The following SNX29 variants were observed in gnomAD, a reference collection of about 807,000 sequenced individuals.
SNX29 encodes the protein sorting nexin-29.
A neutral mutation model predicts 102.1 loss-of-function variants in SNX29; 78 were observed. The observed-to-expected ratio is 0.76, with a 90% CI of 0.64 to 0.92. The LOEUF (loss-of-function observed/expected upper bound fraction) is 0.92. Ranked by LOEUF, SNX29 falls within the 40% of genes least tolerant of loss-of-function variation. SNX29 has a pLI of 0.00. For synonymous variants in SNX29, 580 were observed against 414.5 expected (o/e 1.40, Z -4.85); for missense variants, 1,280 against 1,061.7 (o/e 1.21, Z -2.86).
intron 3 of SNX29, among the ~76,000 whole-genome samples, chr16:12,024,686 G>A (rs1414062436): frequency 1.3e-5 from 2 of 152,176 alleles, no homozygotes; most frequent in Non-Finnish European, 2.9e-5. Context: ...TGTGCAGTTC[G>A]CCTGCATTCC....
intron 10 of SNX29, among the ~76,000 whole-genome samples, chr16:12,076,278 C>G (rs558802481): frequency 4.3e-4 from 65 of 151,764 alleles, no homozygotes; most frequent in African/African-American, 1.5e-3. Context: ...TGGAGCTGTT[C>G]CTATTCGGCC....
chr16:12,035,636 C>T (rs950156494), intron 4 of SNX29, among the ~76,000 whole-genome samples: 8 of 152,128 alleles, frequency 5.3e-5, no homozygotes, highest in African/African-American at 1.9e-4. Context: ...CATGAGTGAA[C>T]TTGGTTTACC....
intron 19 of SNX29, among the ~76,000 whole-genome samples, chr16:12,519,828 C>T (rs938735300): frequency 2.6e-5 from 4 of 151,798 alleles, no homozygotes; most frequent in Non-Finnish European, 2.9e-5. Flanking sequence ...GCCAACATGG[C>T]GAAACCCTGT....
intron 20 of SNX29, among the ~76,000 whole-genome samples, chr16:12,547,690 G>T (rs187964131): frequency 1.3e-5 from 2 of 152,060 alleles, no homozygotes; most frequent in Admixed American, 1.3e-4. Context: ...CCTGGCCCCC[G>T]CGTTCCTGTC....
Position 12,204,082 on chromosome 16 carries a change from G to A in SNX29, c.1678+4399G>A, listed in dbSNP as rs537606730. Among the ~76,000 whole-genome samples the A allele has an allele frequency of 6.6e-5, 10 of 152,258 alleles. No homozygotes were observed. In the South Asian group the frequency reaches 1.5e-3, roughly 22 times the overall value. ...CCTGTTAGGCTGGGAGACTGGGGCC[G>A]CTGTAGTCAGCTTGTTTCCACATAG... On this transcript the variant is annotated intron_variant, in intron 14 of 20. Coordinates refer to ENST00000566228, the MANE Select transcript of SNX29 (RefSeq NM_032167.5).
chr16:12,379,347 C>T (rs2082994525), intron 16 of SNX29, among the ~76,000 whole-genome samples: 1 of 152,168 alleles, frequency 6.6e-6, no homozygotes, highest in Non-Finnish European at 1.5e-5. Flanking sequence ...ATCTTTAACT[C>T]CTGGGCTTAA....
intron 14 of SNX29, among the ~76,000 whole-genome samples, chr16:12,253,132 C>A (rs1246464618): frequency 1.3e-5 from 2 of 152,274 alleles, no homozygotes; most frequent in Non-Finnish European, 2.9e-5. Context: ...TGCCCCTCAG[C>A]AGCATGTGCC....
chr16:12,207,323 C>A (rs745577755), intron 14 of SNX29, among the ~76,000 whole-genome samples: 1 of 152,062 alleles, frequency 6.6e-6, no homozygotes, highest in Non-Finnish European at 1.5e-5. Context: ...GAGCCAAGAT[C>A]GCACCACTTC....
chr16:12,495,207 A>G (rs935592150), intron 19 of SNX29, among the ~76,000 whole-genome samples: 1 of 152,054 alleles, frequency 6.6e-6, no homozygotes, highest in African/African-American at 2.4e-5. Flanking sequence ...CCTGGAGCAC[A>G]GTGGCATGGT....
At chr16:12,124,188 T>G (rs1567228045) in intron 11 of SNX29, among the ~76,000 whole-genome samples, 1 of 152,072 alleles carries the variant, frequency 6.6e-6, no homozygotes, top group Non-Finnish European at 1.5e-5. Context: ...AAACCCCATC[T>G]CTACTAAAAA....
At chr16:12,286,919 C>T (rs1447551830) in intron 15 of SNX29, among the ~76,000 whole-genome samples, 1 of 152,072 alleles carries the variant, frequency 6.6e-6, no homozygotes, top group Non-Finnish European at 1.5e-5. Flanking sequence ...TACTGCAATA[C>T]CATAGTCATA....
chr16:12,458,214 C>A (rs1021931736), intron 18 of SNX29, among the ~76,000 whole-genome samples: 10 of 152,146 alleles, frequency 6.6e-5, no homozygotes, highest in African/African-American at 2.4e-4. Flanking sequence ...CATCTGTGAG[C>A]CCAGAGGGAC....
At chr16:12,082,311 C>A (rs1188200102) in intron 11 of SNX29, among the ~76,000 whole-genome samples, 1 of 152,088 alleles carries the variant, frequency 6.6e-6, no homozygotes, top group Non-Finnish European at 1.5e-5. Context: ...AGGTGTCTGA[C>A]ATTCTGTTTC....
At chr16:12,292,234 C>G (rs1026007246) in intron 15 of SNX29, among the ~76,000 whole-genome samples, 2 of 152,306 alleles carry the variant, frequency 1.3e-5, no homozygotes, top group Non-Finnish European at 2.9e-5. Context: ...TGGCAACTGA[C>G]TGATAGACCG....
At chr16:12,291,483 G>A (rs2079793145) in intron 15 of SNX29, among the ~76,000 whole-genome samples, 1 of 152,318 alleles carries the variant, frequency 6.6e-6, no homozygotes, top group South Asian at 2.1e-4. Flanking sequence ...AATTGTGGGA[G>A]CTACAATTCA....
intron 15 of SNX29, among the ~76,000 whole-genome samples, chr16:12,293,473 G>C (rs566171559): frequency 6.6e-6 from 1 of 152,330 alleles, no homozygotes; most frequent in East Asian, 1.9e-4. Flanking sequence ...TAGAGGTTAA[G>C]CTCATCGTTT....
chr16:12,456,595 C>T (rs1488162484), intron 18 of SNX29, among the ~76,000 whole-genome samples: 3 of 151,754 alleles, frequency 2.0e-5, no homozygotes, highest in African/African-American at 4.8e-5. Flanking sequence ...GTAGTGTGTG[C>T]ACCTGGTAGT....
intron 15 of SNX29, among the ~76,000 whole-genome samples, chr16:12,321,081 G>A (rs867162827): frequency 5.3e-5 from 8 of 151,956 alleles, no homozygotes; most frequent in Non-Finnish European, 1.2e-4. Context: ...CCACCATCCC[G>A]GTTCCCTCCG....
intron 18 of SNX29, among the ~76,000 whole-genome samples, chr16:12,417,376 C>T (rs916456225): frequency 1.1e-4 from 17 of 152,172 alleles, no homozygotes; most frequent in African/African-American, 4.1e-4. Flanking sequence ...GGCTGTCTGG[C>T]TCACCTGGTC....
Sources: gnomAD v4.1 joint callset for allele counts (sites outside exome capture counted in the v4.1 genomes callset) on GRCh38, gnomAD v4.1.1 for gene constraint, MANE v1.5 for transcripts, NCBI Gene and HGNC (gene_info 2026-07-23, HGNC 2026-07-21) for gene names.